Variants in AHDC1 observed in about 807,000 individuals in gnomAD.
AHDC1 encodes the protein AT-hook DNA binding motif containing 1.
Under a neutral mutation model 87.9 loss-of-function variants are expected in AHDC1, and 7 were observed. That is an observed-to-expected ratio of 0.08 (90% confidence interval 0.05 to 0.15). The LOEUF (loss-of-function observed/expected upper bound fraction) is 0.15, where lower values mean the gene tolerates loss of function less well. AHDC1 is among the 10% of genes least tolerant of loss of function. The pLI is 1.00. For synonymous variants in AHDC1, 1,051 were observed against 1,006.8 expected, an observed-to-expected ratio of 1.04 and a Z score of -0.83; for missense variants, 1,841 against 2,253.2, an observed-to-expected ratio of 0.82 and a Z score of 3.70.
intron 3 of AHDC1, among the ~76,000 whole-genome samples, chr1:27,601,686 C>T (rs1355674569): frequency 1.3e-5 from 2 of 152,190 alleles, no homozygotes; most frequent in Non-Finnish European, 2.9e-5. Context: ...CCTGGGGGGT[C>T]CCCCCACAAC....
chr1:27,587,729 T>G (rs530553017), intron 3 of AHDC1, among the ~76,000 whole-genome samples: 2 of 152,304 alleles, frequency 1.3e-5, no homozygotes, highest in Admixed American at 1.3e-4. Flanking sequence ...TGTCCCCCCA[T>G]GTCCAAGTGA....
At position 27,602,696 on chromosome 1, in the gene AHDC1, C is replaced by G. The variant is rs147491003; in HGVS notation, c.-629+701G>C. The stretch of plus-strand genomic sequence containing the variant: ...GATTCAATCAGAGCCCCAGAGGAAA[C>G]GCATTGATAGGCGATTATTTATTTA... On this transcript the variant is annotated intron_variant, in intron 3 of 8. Transcript: ENST00000673934. Among the ~76,000 whole-genome samples the G allele has an allele frequency of 6.4e-3, 969 of 152,298 alleles. 19 individuals carry two copies. The highest frequency in any genetic ancestry group is 6.6e-3 in the Non-Finnish European group (446 of 68,022).
At chr1:27,568,473 G>A (rs948535597) in intron 3 of AHDC1, among the ~76,000 whole-genome samples, 2 of 152,114 alleles carry the variant, frequency 1.3e-5, no homozygotes, top group Non-Finnish European at 2.9e-5. Context: ...TCCCAGACTT[G>A]GAAGGGCGAG....
intron 5 of AHDC1, chr1:27,553,616 A>C (rs1391807209): frequency 6.6e-6 from 1 of 152,156 alleles, no homozygotes; most frequent in Non-Finnish European, 1.5e-5. Flanking sequence ...TCCCCAGACA[A>C]ACATGAGATC....
At position 27,553,200 on chromosome 1, in the gene AHDC1, C is replaced by T. The variant is rs960988386; in HGVS notation, c.-224-15G>A. 1.3e-5 allele frequency: 2 copies of T among 152,628 alleles called. No homozygotes were observed. The highest frequency in any genetic ancestry group is 1.9e-4 in the East Asian group (1 of 5,202). The allele number at this position is 152,628 out of a possible 1,614,324, so 9.5% of individuals were successfully genotyped here. ...GTGGACAGCGCCTGGAAAGGACCATCGCAGCTCAGGTTTAGTGAGCACCTA... is the reference window on the plus strand; with the variant it reads ...GTGGACAGCGCCTGGAAAGGACCATTGCAGCTCAGGTTTAGTGAGCACCTA... On this transcript the variant is annotated splice_polypyrimidine_tract_variant and intron_variant, in intron 5 of 8. Transcript: ENST00000673934.
intron 3 of AHDC1, among the ~76,000 whole-genome samples, chr1:27,570,354 G>A (rs1410790329): frequency 6.6e-6 from 1 of 151,600 alleles, no homozygotes; most frequent in Non-Finnish European, 1.5e-5. Flanking sequence ...CCTCACCCAG[G>A]GCTACTGACT....
chr1:27,575,362 C>G lies in AHDC1; in HGVS notation c.-628-16479G>C, dbSNP rs953983570. ...CCTGGCCCTTCTCCGCCGCGCAAGC[C>G]GGGAGGGGCGGGACTGGACCCCCGC... On this transcript the variant is annotated intron_variant, in intron 3 of 8. Transcript: ENST00000673934. Among the ~76,000 whole-genome samples the G allele has an allele frequency of 1.4e-3, 219 of 152,168 alleles. 1 individual carries two copies. The highest frequency in any genetic ancestry group is 5.1e-3 in the African/African-American group (211 of 41,528).
chr1:27,566,876 G>A (rs868432871), intron 3 of AHDC1, among the ~76,000 whole-genome samples: 12 of 151,786 alleles, frequency 7.9e-5, no homozygotes, highest in South Asian at 4.2e-4. Flanking sequence ...AGGCGGGCAC[G>A]GCAGGGGCAC....
intron 8 of AHDC1, among the ~76,000 whole-genome samples, chr1:27,544,931 T>C (rs1393423119): frequency 6.6e-6 from 1 of 152,198 alleles, no homozygotes; most frequent in Non-Finnish European, 1.5e-5. Flanking sequence ...ATGCCCCGCA[T>C]GATCTGGCCT....
In AHDC1 at chr1:27,570,436, T is replaced by G. The variant is rs537393550; in HGVS notation, c.-628-11553A>C. On this transcript the variant is annotated intron_variant, in intron 3 of 8. Coordinates refer to ENST00000673934, the MANE Select transcript of AHDC1 (RefSeq NM_001371928.1). ...ATGGGGATACTGAGGCCATGAGGAGTCAGGCACAGGGCTGGGCAAAGAACC... is the reference window on the plus strand; with the variant it reads ...ATGGGGATACTGAGGCCATGAGGAGGCAGGCACAGGGCTGGGCAAAGAACC... Among the ~76,000 whole-genome samples the G allele has an allele frequency of 5.0e-4, 75 of 150,440 alleles. 1 individual carries two copies. In the South Asian group the frequency reaches 5.7e-3, roughly 11 times the overall value.
At chr1:27,580,362 C>A (rs1283224184) in intron 3 of AHDC1, among the ~76,000 whole-genome samples, 1 of 152,198 alleles carries the variant, frequency 6.6e-6, no homozygotes, top group East Asian at 1.9e-4. Flanking sequence ...GCATCTCCAG[C>A]CCCTTACCTC....
chr1:27,571,726 C>T lies in AHDC1; in HGVS notation c.-628-12843G>A, dbSNP rs1379011441. Among the ~76,000 whole-genome samples the T allele has an allele frequency of 3.9e-5, 6 of 152,028 alleles. No homozygotes were observed. In the East Asian group the frequency reaches 5.9e-4, roughly 15 times the overall value. On this transcript the variant is annotated intron_variant, in intron 3 of 8. Transcript: ENST00000673934. ...CCTGGGGCTGGCCCCCAGCCCCCTC[C>T]CCTCCCCCTCCCAGGCTGGCATGGT...
chr1:27,592,190 T>C (rs2089240635), intron 3 of AHDC1, among the ~76,000 whole-genome samples: 1 of 152,190 alleles, frequency 6.6e-6, no homozygotes, highest in Non-Finnish European at 1.5e-5. Context: ...TCTATGTGTG[T>C]GCACACGCAT....
chr1:27,588,171 A>G (rs1202069104), intron 3 of AHDC1, among the ~76,000 whole-genome samples: 1 of 152,142 alleles, frequency 6.6e-6, no homozygotes, highest in African/African-American at 2.4e-5. Flanking sequence ...AACACACTTG[A>G]TTCACTTTCA....
rs774093338 is a variant in AHDC1 at position 27,549,159 on chromosome 1, G to A, written c.2957C>T (p.Pro986Leu). ...GTTAGCGCAGTCCTGGCCTGTAAAG[G>A]GCTTAGTTGGGGCGAATACGCTTTG... ...AGQSVFAPTK[P>L]FTGQDCANSK... The change falls in exon 8 of 9, where the codon CCC becomes CTC. Residue 986 changes from proline to leucine, a missense_variant. This residue lies in a region of AHDC1 where 378 missense variants were observed against 399.0 expected (regional missense o/e 0.95). Coordinates refer to ENST00000673934, the MANE Select transcript of AHDC1 (RefSeq NM_001371928.1). 3.2e-6 allele frequency: 5 copies of A among 1,568,370 alleles called. No individual in the cohort carries two copies. The African/African-American group carries it at 5.4e-5, about 17-fold the overall frequency.
At chr1:27,576,528 G>A (rs1260675703) in intron 3 of AHDC1, among the ~76,000 whole-genome samples, 1 of 152,150 alleles carries the variant, frequency 6.6e-6, no homozygotes, top group African/African-American at 2.4e-5. Flanking sequence ...TTTTGTTAAT[G>A]AGAAAGCTGA....
intron 1 of AHDC1, 83 bp from the exon 2 acceptor site, chr1:27,603,946 C>G (rs960687842): frequency 6.6e-6 from 1 of 151,412 alleles, no homozygotes; most frequent in Non-Finnish European, 1.5e-5. Flanking sequence ...CCCTCCCTCC[C>G]CCTCCTCCCC....
chr1:27,591,478 A>AC (rs2089219975), intron 3 of AHDC1, among the ~76,000 whole-genome samples: 1 of 151,968 alleles, frequency 6.6e-6, no homozygotes, highest in Non-Finnish European at 1.5e-5. Flanking sequence ...CTTTCGGCTC[A>AC]CCCCCCTTAG....
intron 3 of AHDC1, among the ~76,000 whole-genome samples, chr1:27,575,091 C>T (rs904041798): frequency 6.6e-5 from 10 of 152,226 alleles, no homozygotes; most frequent in African/African-American, 2.4e-4. Flanking sequence ...TAGCAGCCCT[C>T]AGATTCCTCT....
Sources: allele counts gnomAD v4.1 joint callset (sites outside exome capture counted in the v4.1 genomes callset), GRCh38; gene constraint gnomAD v4.1.1; regional missense constraint gnomAD v4.1.1; transcripts MANE v1.5; gene names NCBI Gene and HGNC (gene_info 2026-07-23, HGNC 2026-07-21).